The following MTTP variants were observed in gnomAD, a reference collection of about 807,000 sequenced individuals.
The protein encoded by MTTP is microsomal triglyceride transfer protein large subunit.
MTTP carries 49 observed loss-of-function variants against 90.6 expected under a neutral mutation model. The ratio of observed to expected loss-of-function variants is 0.54; its 90% confidence interval spans 0.43 to 0.69. MTTP has a LOEUF of 0.69. Ranked by LOEUF, MTTP falls within the 30% of genes least tolerant of loss-of-function variation. The pLI is 0.00. For synonymous variants in MTTP, 347 were observed against 384.2 expected (o/e 0.90, Z 1.13); for missense variants, 945 against 1,067.5 (o/e 0.89, Z 1.60).
At position 99,586,868 on chromosome 4, in the gene MTTP, C is replaced by A. The variant is rs144428962; in HGVS notation, c.394-2775C>A. 2.2e-3 allele frequency among the ~76,000 whole-genome samples: 331 copies of A among 152,206 alleles called. 1 individual carries two copies. The highest frequency in any genetic ancestry group is 7.5e-3 in the African/African-American group (311 of 41,536). On this transcript the variant is annotated intron_variant, in intron 3 of 17. Coordinates refer to ENST00000265517, the MANE Select transcript of MTTP (RefSeq NM_001386140.1). ...CTGGAAGAGGCACTGTACCACCTTC[C>A]CAGCCATTTTACCCAGTCTCCCTCT... is the stretch of plus-strand genomic sequence containing the variant.
chr4:99,589,795 G>C, intron 4 of MTTP, 45 bp downstream of exon 4: 1 of 1,265,776 alleles, frequency 7.9e-7, no homozygotes, highest in Non-Finnish European at 1.2e-6. Context: ...AATAAAATTT[G>C]TAAGGATTTC....
intron 11 of MTTP, 79 bp downstream of exon 11, chr4:99,607,039 C>T (rs920258326): frequency 8.1e-5 from 102 of 1,252,130 alleles, no homozygotes; most frequent in Non-Finnish European, 9.9e-5. Flanking sequence ...ATGCAAATTC[C>T]GCTCAAGTCA....
At chr4:99,591,616 T>C (rs1725422450) in intron 5 of MTTP, 35 bp from the exon 6 acceptor site, 1 of 1,599,282 alleles carries the variant, frequency 6.3e-7, no homozygotes, top group Non-Finnish European at 8.6e-7. Context: ...TAAACGATGA[T>C]TACTTGTTAT....
At chr4:99,603,929 T>G (rs1725755209) in intron 10 of MTTP, among the ~76,000 whole-genome samples, 2 of 152,312 alleles carry the variant, frequency 1.3e-5, no homozygotes, top group South Asian at 4.1e-4. Context: ...TCTCATCACA[T>G]CTTTAAAATT....
intron 8 of MTTP, among the ~76,000 whole-genome samples, chr4:99,599,865 G>T (rs1176483895): frequency 6.6e-6 from 1 of 152,026 alleles, no homozygotes; most frequent in Non-Finnish European, 1.5e-5. Context: ...TGCTTATATA[G>T]GGGTAGTATG....
Position 99,622,798 on chromosome 4 carries a change from A to G in MTTP, c.2635A>G (p.Lys879Glu), listed in dbSNP as rs1560628699. The change falls in exon 18 of 18, where the codon AAA becomes GAA. Residue 879 changes from lysine (K) to glutamate (E), a missense_variant. Coordinates refer to ENST00000265517, the MANE Select transcript of MTTP (RefSeq NM_001386140.1). Reference sequence around the variant, plus strand: ...CCATCAAGAGAACTCAGAGATGTGCAAAGTGGTGTTTGCCCCTCAGCCGGA... The same window carrying G: ...CCATCAAGAGAACTCAGAGATGTGCGAAGTGGTGTTTGCCCCTCAGCCGGA... The part of the protein sequence containing the change: ...PLHQENSEMC[K>E]VVFAPQPDST... The G allele has an allele frequency of 3.1e-6, 5 of 1,614,034 alleles. No individual in the cohort carries two copies. The highest frequency in any genetic ancestry group is 4.2e-6 in the Non-Finnish European group (5 of 1,179,998).
chr4:99,566,181 C>A (rs1289713405), intron 1 of MTTP, among the ~76,000 whole-genome samples: 1 of 151,354 alleles, frequency 6.6e-6, no homozygotes, highest in Non-Finnish European at 1.5e-5. Context: ...CCCGTCTACT[C>A]CGGAGGCTGA....
intron 16 of MTTP, among the ~76,000 whole-genome samples, chr4:99,620,456 A>G (rs1726202418): frequency 6.6e-6 from 1 of 152,170 alleles, no homozygotes; most frequent in Non-Finnish European, 1.5e-5. Context: ...AGTTATCTAG[A>G]GCATCATTAA....
chr4:99,622,129 C>T (rs976183984), intron 17 of MTTP, among the ~76,000 whole-genome samples: 2 of 152,156 alleles, frequency 1.3e-5, no homozygotes, highest in Non-Finnish European at 2.9e-5. Context: ...ATTAAGCTGT[C>T]ACTAACTTAC....
upstream of MTTP, among the ~76,000 whole-genome samples, chr4:99,570,295 C>T (rs191188260): frequency 3.9e-3 from 590 of 152,060 alleles, 2 homozygotes; most frequent in Non-Finnish European, 6.8e-3. Context: ...ATACTTAATT[C>T]ACAAGTATTT....
intron 1 of MTTP, 83 bp downstream of exon 1, chr4:99,575,053 T>TGAGTGAA (rs1724924277): frequency 7.0e-7 from 1 of 1,437,438 alleles, no homozygotes. Flanking sequence ...TGTGTTTGTG[T>TGAGTGAA]GAGTGAATAG....
At chr4:99,580,094 G>T (rs1317187117) in intron 1 of MTTP, among the ~76,000 whole-genome samples, 2 of 148,806 alleles carry the variant, frequency 1.3e-5, no homozygotes, top group Non-Finnish European at 3.0e-5. Context: ...GCCTTTCTCT[G>T]CTTGTTAACT....
rs1340601497 is a variant in MTTP at position 99,567,137 on chromosome 4, G to C, written c.-102+2900G>C. 2.6e-5 allele frequency among the ~76,000 whole-genome samples: 4 copies of C among 152,232 alleles called. No individual in the cohort carries two copies. The East Asian group carries it at 7.7e-4, about 29-fold the overall frequency. On this transcript the variant is annotated intron_variant, in intron 1 of 18. Coordinates refer to the MTTP transcript ENST00000457717. ...AAATACAGAAAAAAAACTTTAAAAT[G>C]TATTTGTACATTTACATACTTATAC...
rs1294140424 is a variant in MTTP, at chr4:99,591,939, A to G, written c.758+149A>G. 5 of 757,594 alleles carry G rather than the reference A, an allele frequency of 6.6e-6. No individual in the cohort carries two copies. In the East Asian group the frequency reaches 1.3e-4, roughly 20 times the overall value. 46.9% of individuals were successfully genotyped at this position (757,594 alleles called of 1,614,324 possible). ...AATGGGAATAAGTTCTGAGAAAAGC[A>G]TTGTTAGGCAATTTCATCACTGTGC... On this transcript the variant is annotated intron_variant, in intron 6 of 17. Coordinates refer to ENST00000265517, the MANE Select transcript of MTTP (RefSeq NM_001386140.1).
At chr4:99,567,483 C>T (rs1043621917) in intron 1 of MTTP, among the ~76,000 whole-genome samples, 2 of 152,140 alleles carry the variant, frequency 1.3e-5, no homozygotes, top group African/African-American at 2.4e-5. Flanking sequence ...AACAAAAAAT[C>T]ACTAAAAAAC....
intron 1 of MTTP, among the ~76,000 whole-genome samples, chr4:99,566,309 A>G (rs1021542798): frequency 1.3e-5 from 2 of 151,566 alleles, no homozygotes; most frequent in African/African-American, 2.4e-5. Flanking sequence ...AAAAAAAAAA[A>G]AAAAAGAAAA....
chr4:99,622,925 T>A lies in MTTP; in HGVS notation c.*77T>A. 8 of 1,445,370 alleles carry A rather than the reference T, an allele frequency of 5.5e-6. No individual in the cohort carries two copies. The highest frequency in any genetic ancestry group is 7.8e-6 in the Non-Finnish European group (8 of 1,026,964). 89.5% of individuals were successfully genotyped at this position (1,445,370 alleles called of 1,614,324 possible). A position where few individuals can be genotyped will look rare whatever the true frequency, so the allele number is the denominator to read the frequency against. ...GTGGCATGACTAAGTACTTGCTCTCTGAGAGCACAGCGTTTACATATTTAC... is the reference window on the plus strand; with the variant it reads ...GTGGCATGACTAAGTACTTGCTCTCAGAGAGCACAGCGTTTACATATTTAC... On this transcript the variant is annotated 3_prime_UTR_variant, in exon 18 of 18. Coordinates refer to ENST00000265517, the MANE Select transcript of MTTP (RefSeq NM_001386140.1).
rs570685251 is a variant in MTTP, at chr4:99,623,896, T to A, written c.*1048T>A. 1 of 152,356 alleles carries A rather than the reference T, an allele frequency of 6.6e-6. No homozygotes were observed. The highest frequency in any genetic ancestry group is 2.1e-4 in the South Asian group (1 of 4,824). The allele number at this position is 152,356 out of a possible 1,614,324, so 9.4% of individuals were successfully genotyped here. A position where few individuals can be genotyped will look rare whatever the true frequency, so the allele number is the denominator to read the frequency against. On this transcript the variant is annotated 3_prime_UTR_variant, in exon 18 of 18. Coordinates refer to ENST00000265517, the MANE Select transcript of MTTP (RefSeq NM_001386140.1). ...TAAACCCAAAACAAATGACAGGTCC[T>A]TATTTTCCACTAAACACAGACACAT...
intron 16 of MTTP, among the ~76,000 whole-genome samples, chr4:99,620,486 C>T (rs1726203380): frequency 6.6e-6 from 1 of 152,154 alleles, no homozygotes; most frequent in Non-Finnish European, 1.5e-5. Flanking sequence ...CATATTTTTC[C>T]TCCTAGGACC....
Sources: allele counts gnomAD v4.1 joint callset (sites outside exome capture counted in the v4.1 genomes callset), GRCh38; gene constraint gnomAD v4.1.1; transcripts MANE v1.5; gene names NCBI Gene and HGNC (gene_info 2026-07-23, HGNC 2026-07-21).